ZNF438: variants seen among roughly 807,000 people sequenced by gnomAD.
ZNF438 encodes zinc finger protein 438.
ZNF438 carries 25 observed loss-of-function variants against 38.0 expected under a neutral mutation model. The ratio of observed to expected loss-of-function variants is 0.66; its 90% CI spans 0.48 to 0.92. The LOEUF (loss-of-function observed/expected upper bound fraction) is 0.92, where lower values mean the gene tolerates loss of function less well. Ranked by LOEUF, ZNF438 falls within the 40% of genes least tolerant of loss-of-function variation. ZNF438 has a pLI of 0.00. For missense variants in ZNF438, 1,007 were observed against 999.6 expected, an observed-to-expected ratio of 1.01 and a Z score of -0.10; for synonymous variants, 372 against 364.1, an observed-to-expected ratio of 1.02 and a Z score of -0.25.
intron 2 of ZNF438, chr10:30,919,371 T>C (rs1027205074): frequency 2.6e-5 from 4 of 152,250 alleles, no homozygotes; most frequent in Admixed American, 2.6e-4. Flanking sequence ...CTTAACTTTT[T>C]TCCTCTACTC....
intron 1 of ZNF438, among the ~76,000 whole-genome samples, chr10:31,026,494 TCATC>T (rs1323108660): frequency 6.6e-6 from 1 of 152,218 alleles, no homozygotes; most frequent in African/African-American, 2.4e-5. Flanking sequence ...GAAAAAATGC[TCATC>T]ATCACTGGCC....
chr10:30,868,072 A>ACTT (rs138850828), intron 4 of ZNF438, among the ~76,000 whole-genome samples: 3 of 149,902 alleles, frequency 2.0e-5, no homozygotes, highest in African/African-American at 2.5e-5. Context: ...GTTTTTAAAG[A>ACTT]ATTTTTTTTT....
At chr10:31,000,307 T>C (rs1158873742) in intron 1 of ZNF438, among the ~76,000 whole-genome samples, 1 of 152,244 alleles carries the variant, frequency 6.6e-6, no homozygotes, top group African/African-American at 2.4e-5. Flanking sequence ...AATTATTCAC[T>C]GGACCATGGC....
intron 1 of ZNF438, among the ~76,000 whole-genome samples, chr10:31,017,317 C>T (rs184824270): frequency 1.3e-5 from 2 of 152,294 alleles, no homozygotes; most frequent in East Asian, 3.9e-4. Context: ...TTCCATTATC[C>T]TTTCTGGTCA....
chr10:31,022,566 C>T (rs1396874147), intron 1 of ZNF438, among the ~76,000 whole-genome samples: 1 of 152,164 alleles, frequency 6.6e-6, no homozygotes, highest in Non-Finnish European at 1.5e-5. Context: ...TGGCCCACTA[C>T]AGCTTTCTGA....
At chr10:30,855,872 A>T (rs1269925893) in intron 4 of ZNF438, among the ~76,000 whole-genome samples, 1 of 152,222 alleles carries the variant, frequency 6.6e-6, no homozygotes, top group African/African-American at 2.4e-5. Flanking sequence ...AGAAATCAGG[A>T]TTATGGTGGC....
intron 4 of ZNF438, among the ~76,000 whole-genome samples, chr10:30,851,667 G>A (rs572599484): frequency 2.6e-5 from 4 of 152,160 alleles, no homozygotes; most frequent in African/African-American, 4.8e-5. Flanking sequence ...GCAAATATTC[G>A]CAAGTTGGAC....
chr10:30,846,409 T>C (rs550476690), intron 5 of ZNF438, among the ~76,000 whole-genome samples: 4 of 152,010 alleles, frequency 2.6e-5, no homozygotes, highest in African/African-American at 9.7e-5. Context: ...GGAGAGGAGG[T>C]GGGCAGTCCC....
chr10:30,967,315 T>A (rs1304907992), intron 1 of ZNF438, among the ~76,000 whole-genome samples: 1 of 152,192 alleles, frequency 6.6e-6, no homozygotes, highest in Non-Finnish European at 1.5e-5. Flanking sequence ...TCCCCAACGC[T>A]CAACTACAAA....
chr10:31,020,226 C>T (rs2793105), intron 1 of ZNF438, among the ~76,000 whole-genome samples: 113,765 of 152,066 alleles, frequency 0.75, 43,188 homozygotes, highest in African/African-American at 0.83. Flanking sequence ...GAACCTAAAA[C>T]AATCAAAAGG....
intron 3 of ZNF438, among the ~76,000 whole-genome samples, chr10:30,878,431 C>T (rs2038767432): frequency 1.3e-5 from 2 of 152,096 alleles, no homozygotes; most frequent in Admixed American, 1.3e-4. Context: ...ACCATCCCAT[C>T]CCCCTTTCCA....
chr10:30,853,193 C>T (rs554275183), intron 4 of ZNF438, among the ~76,000 whole-genome samples: 57 of 152,314 alleles, frequency 3.7e-4, no homozygotes, highest in African/African-American at 1.3e-3. Context: ...ATCACTAGTT[C>T]TTCCTCCTAA....
At chr10:30,855,710 A>T (rs1313982418) in intron 4 of ZNF438, among the ~76,000 whole-genome samples, 1 of 152,262 alleles carries the variant, frequency 6.6e-6, no homozygotes, top group Non-Finnish European at 1.5e-5. Context: ...AATACCACGC[A>T]GTAATAAAAA....
intron 3 of ZNF438, among the ~76,000 whole-genome samples, chr10:30,899,235 A>G (rs2041711190): frequency 6.6e-6 from 1 of 152,238 alleles, no homozygotes; most frequent in Admixed American, 6.5e-5. Context: ...AACTTTAAAA[A>G]AAAGGAGTTA....
intron 1 of ZNF438, among the ~76,000 whole-genome samples, chr10:30,967,754 C>T (rs908320704): frequency 2.0e-5 from 3 of 152,240 alleles, no homozygotes; most frequent in East Asian, 1.9e-4. Context: ...ACAGGAGGTT[C>T]GCCTACAAGA....
intron 4 of ZNF438, chr10:30,857,634 C>A: frequency 7.2e-7 from 1 of 1,388,244 alleles, no homozygotes; most frequent in South Asian, 1.4e-5. Context: ...AATTAATAGT[C>A]ATTTGAAAGC....
intron 1 of ZNF438, among the ~76,000 whole-genome samples, chr10:30,993,662 C>A (rs1023148863): frequency 6.6e-6 from 1 of 152,200 alleles, no homozygotes; most frequent in Admixed American, 6.5e-5. Context: ...GAAGCAAGGC[C>A]GCAGCAGAGT....
At chr10:30,930,510 G>C (rs1317599564) in intron 2 of ZNF438, among the ~76,000 whole-genome samples, 1 of 152,062 alleles carries the variant, frequency 6.6e-6, no homozygotes, top group African/African-American at 2.4e-5. Context: ...TGGGCTGAAG[G>C]GCTCCTCAAG....
Position 30,892,379 on chromosome 10 carries a change from A to C in ZNF438, c.-31-15314T>G, listed in dbSNP as rs78154558. On this transcript the variant is annotated intron_variant, in intron 3 of 5. Coordinates refer to ENST00000413025, the Ensembl canonical transcript of ZNF438. ...TGAATGTGAACACATATGTAACAACATACAAAGGTTATGTGAATGTGGTCT... is the reference window on the plus strand; with the variant it reads ...TGAATGTGAACACATATGTAACAACCTACAAAGGTTATGTGAATGTGGTCT... Among the ~76,000 whole-genome samples the C allele has an allele frequency of 9.9e-3, 1,508 of 152,324 alleles. 23 individuals are homozygous for C. Among genetic ancestry groups the C allele is most frequent in the African/African-American group, 0.034 (1,402 of 41,556 alleles).
Sources: allele counts gnomAD v4.1 joint callset (sites outside exome capture counted in the v4.1 genomes callset), GRCh38; gene constraint gnomAD v4.1.1; transcripts MANE v1.5; gene names NCBI Gene and HGNC (gene_info 2026-07-23, HGNC 2026-07-21).